FBXL18: variants seen among roughly 807,000 people sequenced by gnomAD.
FBXL18 encodes the protein F-box and leucine rich repeat protein 18, also known as F-box/LRR-repeat protein 18.
A neutral mutation model predicts 46.0 loss-of-function variants in FBXL18; 36 were observed. The observed-to-expected ratio is 0.78, with a 90% CI of 0.60 to 1.03. The LOEUF is 1.03. Ranked by LOEUF, FBXL18 falls within the 50% of genes least tolerant of loss-of-function variation. The pLI, the probability that FBXL18 is intolerant of heterozygous loss-of-function variation, is 0.00. For synonymous variants in FBXL18, 557 were observed against 465.3 expected (o/e 1.20, Z -2.54); for missense variants, 977 against 1,004.1 (o/e 0.97, Z 0.36).
chr7:5,471,471 C>T (rs557367883), downstream of FBXL18, among the ~76,000 whole-genome samples: 6 of 152,240 alleles, frequency 3.9e-5, no homozygotes, highest in South Asian at 8.3e-4. Flanking sequence ...AGAGACGGGG[C>T]TTCACCATGT....
chr7:5,510,123 G>A (rs1416061099), intron 1 of FBXL18, among the ~76,000 whole-genome samples: 1 of 151,756 alleles, frequency 6.6e-6, no homozygotes, highest in Non-Finnish European at 1.5e-5. Context: ...CCAACATGGT[G>A]AAACCCCATC....
In FBXL18 at chr7:5,496,644, G is replaced by T. The variant is rs546631345; in HGVS notation, c.1781+3844C>A. On this transcript the variant is annotated intron_variant, in intron 3 of 4. Coordinates refer to ENST00000382368, the MANE Select transcript of FBXL18 (RefSeq NM_024963.6). The surrounding 1 kb of genome is among the most constrained non-coding windows in gnomAD (Gnocchi z 4.8). ...CACCTGTGATCCCAGCCCTTTGGGC[G>T]GCCCAGGCAAGAGGATCACTTGAGC... Among the ~76,000 whole-genome samples, 1 of 152,176 alleles carries T rather than the reference G, an allele frequency of 6.6e-6. No homozygotes were observed. The highest frequency in any genetic ancestry group is 6.6e-5 in the Admixed American group (1 of 15,264).
At chr7:5,474,686 T>C (rs1225166451), downstream of FBXL18, among the ~76,000 whole-genome samples, 1 of 39,396 alleles carries the variant, frequency 2.5e-5, no homozygotes, top group East Asian at 1.3e-3. Context: ...GCACTTTATT[T>C]TTTATTTATT....
At chr7:5,484,449 G>A (rs1399189370) in intron 4 of FBXL18, among the ~76,000 whole-genome samples, 9 of 141,570 alleles carry the variant, frequency 6.4e-5, no homozygotes, top group Non-Finnish European at 1.1e-4. Context: ...CAGCCTGGGC[G>A]ACAGAGGGAG....
In FBXL18 at chr7:5,461,192, T is replaced by C. The variant is rs1031279647; in HGVS notation, c.2001-13349A>G. ...AGCAGCTCAGGGATAGGTCAGGGAA[T>C]AACAAGGGCAGGAGTTCACATTTAT... On this transcript the variant is annotated intron_variant and NMD_transcript_variant, in intron 4 of 6. Coordinates refer to the FBXL18 transcript ENST00000415009. 4.9e-4 allele frequency among the ~76,000 whole-genome samples: 74 copies of C among 152,260 alleles called. 1 individual carries two copies. Among genetic ancestry groups the C allele is most frequent in the African/African-American group, 1.5e-3 (64 of 41,550 alleles).
rs1362500462 is a variant in FBXL18, at chr7:5,455,605, G to T, written c.2001-7762C>A. Among the ~76,000 whole-genome samples the T allele has an allele frequency of 6.6e-6, 1 of 152,132 alleles. No homozygotes were observed. Among genetic ancestry groups the T allele is most frequent in the East Asian group, 1.9e-4 (1 of 5,180 alleles). ...CCTATTATGGGTTTGCATTCCCATG[G>T]CGCCAAGTCGGTCCTGAGAAGATCC... On this transcript the variant is annotated intron_variant and NMD_transcript_variant, in intron 4 of 6. Transcript: ENST00000415009. The surrounding 1 kb of genome is among the most constrained non-coding windows in gnomAD (Gnocchi z 4.6).
Position 5,499,928 on chromosome 7 carries a change from G to C in FBXL18, c.1781+560C>G, listed in dbSNP as rs116813538. Among the ~76,000 whole-genome samples the C allele has an allele frequency of 7.8e-3, 1,191 of 151,836 alleles. 17 individuals carry two copies. The highest frequency in any genetic ancestry group is 0.027 in the African/African-American group (1,122 of 41,388). ...TAAAAATATATATATAGCCAGGCAT[G>C]ATGGCATATGCCTGTAGTCCCAGCT... On this transcript the variant is annotated intron_variant, in intron 3 of 4. Coordinates refer to ENST00000382368, the MANE Select transcript of FBXL18 (RefSeq NM_024963.6).
chr7:5,479,562 T>G lies in FBXL18; in HGVS notation c.*2213A>C, dbSNP rs981059676. ...TAAAGAAATGCCCAGGAACTGTGGG[T>G]GGGGGGGGTGCTCCCACCACCTCTG... On this transcript the variant is annotated 3_prime_UTR_variant, in exon 5 of 5. Coordinates refer to ENST00000382368, the MANE Select transcript of FBXL18 (RefSeq NM_024963.6). The G allele has an allele frequency of 9.2e-5, 14 of 151,612 alleles. No individual in the cohort carries two copies. The highest frequency in any genetic ancestry group is 2.0e-4 in the East Asian group (1 of 5,128). 9.4% of individuals were successfully genotyped at this position (151,612 alleles called of 1,614,324 possible).
At chr7:5,505,350 G>GC (rs1784367278) in intron 2 of FBXL18, 62 bp downstream of exon 2, 1 of 1,478,228 alleles carries the variant, frequency 6.8e-7, no homozygotes, top group Non-Finnish European at 9.4e-7. Context: ...GCAGGGCTGT[G>GC]CCCAGTCCTC....
intron 1 of FBXL18, among the ~76,000 whole-genome samples, chr7:5,506,157 T>C (rs1784389541): frequency 1.3e-5 from 2 of 152,124 alleles, no homozygotes; most frequent in Non-Finnish European, 2.9e-5. Flanking sequence ...GACAGGGTCT[T>C]GCTATGCTGC....
intron 4 of FBXL18, among the ~76,000 whole-genome samples, chr7:5,483,084 C>T (rs1783689027): frequency 6.6e-6 from 1 of 151,242 alleles, no homozygotes; most frequent in Non-Finnish European, 1.5e-5. Context: ...CAAAGACGAC[C>T]CAAGTGCCAG....
intron 3 of FBXL18, among the ~76,000 whole-genome samples, chr7:5,495,511 T>C (rs1784053890): frequency 1.3e-5 from 2 of 152,074 alleles, no homozygotes; most frequent in African/African-American, 4.8e-5. Context: ...TGTGTCCAAG[T>C]CCCAGCCAGA....
At chr7:5,468,127 C>T (rs562597378) in intron 4 of FBXL18, among the ~76,000 whole-genome samples, 27 of 152,158 alleles carry the variant, frequency 1.8e-4, no homozygotes, top group African/African-American at 2.6e-4. Flanking sequence ...GGACTACAGG[C>T]GCCCGCCACC....
At position 5,491,551 on chromosome 7, in the gene FBXL18, G is replaced by A; in HGVS notation, c.1782-102C>T. The A allele has an allele frequency of 4.1e-6, 4 of 982,436 alleles. 1 individual carries two copies. In the South Asian group the frequency reaches 6.6e-5, roughly 16 times the overall value. 60.9% of individuals were successfully genotyped at this position (982,436 alleles called of 1,614,324 possible). A position where few individuals can be genotyped will look rare whatever the true frequency, so the allele number is the denominator to read the frequency against. On this transcript the variant is annotated intron_variant, in intron 3 of 4. Transcript: ENST00000382368. ...GCCAGTGGAAGCTTCCTGGCCTGGG[G>A]CCCAGCCCAGCTGTTCCCGCCACCT...
downstream of FBXL18, among the ~76,000 whole-genome samples, chr7:5,472,525 TAGACCACATGGAG>T (rs1178307496): frequency 1.3e-5 from 2 of 152,098 alleles, no homozygotes; most frequent in East Asian, 1.9e-4. Context: ...AGAGGCCACT[TAGACCACATGGAG>T]AGACCACATG....
In FBXL18 at chr7:5,500,778, G is replaced by A. The variant is rs371160878; in HGVS notation, c.1491C>T (p.Ser497=). The change falls in exon 3 of 5, where the codon TCC becomes TCT. Residue 497 remains serine, a synonymous_variant. Coordinates refer to ENST00000382368, the MANE Select transcript of FBXL18 (RefSeq NM_024963.6). ...HLELIGSNFS[S]AMPRNEPAIR... ...TGGCGGGCTCGTTGCGGGGCATGGC[G>A]GAGGAGAAGTTGGACCCAATCAGCT... 7.2e-4 allele frequency: 1,156 copies of A among 1,612,468 alleles called. 2 individuals carry two copies. The highest frequency in any genetic ancestry group is 9.1e-4 in the Non-Finnish European group (1,070 of 1,179,764).
intron 4 of FBXL18, among the ~76,000 whole-genome samples, chr7:5,482,962 C>T (rs1783685627): frequency 6.6e-6 from 1 of 151,170 alleles, no homozygotes; most frequent in Non-Finnish European, 1.5e-5. Flanking sequence ...CACTTGAGCC[C>T]AGGAGGTAGA....
intron 1 of FBXL18, among the ~76,000 whole-genome samples, chr7:5,513,453 G>A (rs1037528536): frequency 2.0e-5 from 3 of 152,144 alleles, no homozygotes; most frequent in Non-Finnish European, 4.4e-5. Flanking sequence ...GACAGCTTGT[G>A]CCTTCCGAGA....
At chr7:5,506,619 C>A (rs187957751) in intron 1 of FBXL18, among the ~76,000 whole-genome samples, 2 of 148,780 alleles carry the variant, frequency 1.3e-5, no homozygotes, top group South Asian at 2.1e-4. Context: ...TGCAATGGTG[C>A]GATCTTGGTT....
Sources: gnomAD v4.1 joint callset for allele counts (sites outside exome capture counted in the v4.1 genomes callset) on GRCh38, gnomAD v4.1.1 for gene constraint, Gnocchi (gnomAD v3.1) non-coding constraint, MANE v1.5 for transcripts, NCBI Gene and HGNC (gene_info 2026-07-23, HGNC 2026-07-21) for gene names.